LGALS8: variants seen among roughly 807,000 people sequenced by gnomAD.
LGALS8 encodes galectin-8.
In LGALS8, 30 loss-of-function variants were observed where a neutral mutation model predicts 35.9. That is an observed-to-expected ratio of 0.83 (90% CI 0.62 to 1.13). The LOEUF is 1.13. LGALS8 is among the 50% of genes most tolerant of loss of function. The pLI, the probability that LGALS8 is intolerant of heterozygous loss-of-function variation, is 0.00. For synonymous variants in LGALS8, 138 were observed against 136.1 expected (o/e 1.01, Z -0.10); for missense variants, 366 against 388.7 (o/e 0.94, Z 0.49).
intron 2 of LGALS8, among the ~76,000 whole-genome samples, chr1:236,536,992 A>G (rs1661553075): frequency 6.7e-6 from 1 of 149,254 alleles, no homozygotes; most frequent in Non-Finnish European, 1.5e-5. Context: ...CAGCTATTGC[A>G]GATATCCTGG....
At chr1:236,535,450 TC>T (rs541914631) in intron 2 of LGALS8, among the ~76,000 whole-genome samples, 147 of 152,330 alleles carry the variant, frequency 9.7e-4, no homozygotes, top group African/African-American at 3.2e-3. Context: ...TATATATGGC[TC>T]TATAGATTAC....
chr1:236,526,251 T>C lies in LGALS8; in HGVS notation c.45+136T>C. ...AGCACCTACTATGTAATAGAGATGG[T>C]GGTGGGTGCTGATTACAAAACAGCT... On this transcript the variant is annotated intron_variant, in intron 2 of 9. Transcript: ENST00000366584. The surrounding 1 kb of genome is among the most constrained non-coding windows in gnomAD (Gnocchi z 4.6). 1 of 584,382 alleles carries C rather than the reference T, an allele frequency of 1.7e-6. No individual in the cohort carries two copies. The highest frequency in any genetic ancestry group is 3.0e-6 in the Non-Finnish European group (1 of 333,382). The allele number at this position is 584,382 out of a possible 1,614,324, so 36.2% of individuals were successfully genotyped here.
rs1475810029 is a variant in LGALS8 at position 236,550,831 on chromosome 1, C to T, written c.*2670C>T. 12 of 1,211,282 alleles carry T rather than the reference C, an allele frequency of 9.9e-6. No individual in the cohort carries two copies. Among genetic ancestry groups the T allele is most frequent in the Non-Finnish European group, 1.4e-5 (12 of 852,706 alleles). The allele number at this position is 1,211,282 out of a possible 1,614,324, so 75.0% of individuals were successfully genotyped here. A position where few individuals can be genotyped will look rare whatever the true frequency, so the allele number is the denominator to read the frequency against. On this transcript the variant is annotated 3_prime_UTR_variant, in exon 10 of 10. Coordinates refer to ENST00000366584, the MANE Select transcript of LGALS8 (RefSeq NM_201544.4). ...AAGGCACCAAAAGTAACATGGCACC[C>T]AACACCCAAAAATAAAAATATGAAA...
chr1:236,544,632 CGT>C (rs970284172), intron 8 of LGALS8, 116 bp from the exon 9 acceptor site: 19 of 662,842 alleles, frequency 2.9e-5, no homozygotes, highest in Non-Finnish European at 4.5e-5. Context: ...CATGTGGATA[CGT>C]GTGTTTCATA....
intron 2 of LGALS8, among the ~76,000 whole-genome samples, chr1:236,534,906 A>C (rs1661374465): frequency 1.3e-5 from 2 of 151,916 alleles, no homozygotes; most frequent in Non-Finnish European, 2.9e-5. Context: ...CTAAAAGTAC[A>C]AAAAATTAGC....
upstream of LGALS8, among the ~76,000 whole-genome samples, chr1:236,522,843 G>C (rs1207670636): frequency 6.6e-6 from 1 of 152,194 alleles, no homozygotes; most frequent in African/African-American, 2.4e-5. Context: ...AATGGGTAAG[G>C]AGGAGAGAAA....
chr1:236,542,805 G>T lies in LGALS8; in HGVS notation c.549+18G>T. 6.2e-7 allele frequency: 1 copy of T among 1,614,118 alleles called. No individual in the cohort carries two copies. The highest frequency in any genetic ancestry group is 1.1e-5 in the South Asian group (1 of 91,070). Reference sequence around the variant, plus strand: ...CCCAGCTTGTGAGTATTTTTGCCTGGGTTATTTCATGTGGAATATTTTATA... The same window carrying T: ...CCCAGCTTGTGAGTATTTTTGCCTGTGTTATTTCATGTGGAATATTTTATA... On this transcript the variant is annotated intron_variant, in intron 7 of 9. Transcript: ENST00000366584.
At chr1:236,524,292 G>A (rs566858103) in intron 1 of LGALS8, 108 of 456,548 alleles carry the variant, frequency 2.4e-4, no homozygotes, top group Non-Finnish European at 4.2e-4. Flanking sequence ...GGGCATAAGG[G>A]ATTATCAGGA....
chr1:236,536,180 T>C (rs1661489735), intron 2 of LGALS8: 1 of 152,236 alleles, frequency 6.6e-6, no homozygotes, highest in Non-Finnish European at 1.5e-5. Context: ...CACTTTTCTG[T>C]GGCCCGTCTT....
intron 2 of LGALS8, among the ~76,000 whole-genome samples, chr1:236,527,382 G>T (rs1379669132): frequency 2.0e-5 from 3 of 152,256 alleles, no homozygotes; most frequent in Non-Finnish European, 2.9e-5. Flanking sequence ...GGGATCTGGA[G>T]AAGTAGTTCT....
At position 236,552,363 on chromosome 1, in the gene LGALS8, C is replaced by G. The variant is rs1662789026; in HGVS notation, c.*4202C>G. 3.9e-6 allele frequency: 1 copy of G among 258,196 alleles called. No individual in the cohort carries two copies. Among genetic ancestry groups the G allele is most frequent in the African/African-American group, 2.2e-5 (1 of 45,182 alleles). 16.0% of individuals were successfully genotyped at this position (258,196 alleles called of 1,614,324 possible). ...ACTGCAAATCTTTAATGTGAAATGT[C>G]TTTTTATAATCTCTTCCTTTAAAAA... On this transcript the variant is annotated 3_prime_UTR_variant, in exon 10 of 10. Coordinates refer to ENST00000366584, the MANE Select transcript of LGALS8 (RefSeq NM_201544.4).
intron 2 of LGALS8, among the ~76,000 whole-genome samples, chr1:236,530,504 C>T (rs192454140): frequency 5.9e-5 from 9 of 152,030 alleles, no homozygotes; most frequent in Admixed American, 5.9e-4. Context: ...ATGTCTTTAC[C>T]GATCACTCAT....
At chr1:236,532,249 C>CTGGCCTG (rs1661190631) in intron 2 of LGALS8, among the ~76,000 whole-genome samples, 1 of 152,198 alleles carries the variant, frequency 6.6e-6, no homozygotes, top group African/African-American at 2.4e-5. Flanking sequence ...CAGGGGCCTG[C>CTGGCCTG]CTCGTAAGGA....
intron 6 of LGALS8, among the ~76,000 whole-genome samples, chr1:236,542,102 C>T (rs1662038491): frequency 6.6e-6 from 1 of 152,208 alleles, no homozygotes. Context: ...TGAGGTCTTA[C>T]CGACTGGCAC....
chr1:236,524,376 A>G (rs74151917), intron 1 of LGALS8: 266 of 456,524 alleles, frequency 5.8e-4, no homozygotes, highest in African/African-American at 4.9e-3. Flanking sequence ...CTGCAAACCC[A>G]CCCCACCTGG....
chr1:236,550,937 T>C lies in LGALS8; in HGVS notation c.*2776T>C, dbSNP rs1408715279. 6.2e-7 allele frequency: 1 copy of C among 1,610,362 alleles called. No homozygotes were observed. ...CTCTGGAGTGGCTCTCCCAGGACAG[T>C]TTCCAGTTGCTGAATAGTCTTTTGG... On this transcript the variant is annotated 3_prime_UTR_variant, in exon 10 of 10. Transcript: ENST00000366584.
In LGALS8 at chr1:236,527,083, C is replaced by T. The variant is rs568444205; in HGVS notation, c.45+968C>T. The stretch of plus-strand genomic sequence containing the variant: ...ACTTTGCGCATGTTAGAGTTAAAAA[C>T]ATCCCAAGGTTGTAAACTGATTTCC... On this transcript the variant is annotated intron_variant, in intron 2 of 9. Coordinates refer to ENST00000366584, the MANE Select transcript of LGALS8 (RefSeq NM_201544.4). Among the ~76,000 whole-genome samples the T allele has an allele frequency of 7.2e-5, 11 of 152,052 alleles. No individual in the cohort carries two copies. In the South Asian group the frequency reaches 1.9e-3, roughly 26 times the overall value.
intron 2 of LGALS8, among the ~76,000 whole-genome samples, chr1:236,532,918 A>T (rs962636196): frequency 6.6e-6 from 1 of 152,188 alleles, no homozygotes; most frequent in Non-Finnish European, 1.5e-5. Flanking sequence ...GGCCTTATGT[A>T]GACAGTTTCC....
At chr1:236,544,565 G>A (rs534900553) in intron 8 of LGALS8, among the ~76,000 whole-genome samples, 185 bp from the exon 9 acceptor site, 4 of 151,824 alleles carry the variant, frequency 2.6e-5, no homozygotes, top group Admixed American at 6.6e-5. Context: ...TGCAAGTAAC[G>A]AATTAGTGGA....
Sources: gnomAD v4.1 joint callset for allele counts (sites outside exome capture counted in the v4.1 genomes callset) on GRCh38, gnomAD v4.1.1 for gene constraint, Gnocchi (gnomAD v3.1) non-coding constraint, MANE v1.5 for transcripts, NCBI Gene and HGNC (gene_info 2026-07-23, HGNC 2026-07-21) for gene names.